MORC1: variants seen among roughly 807,000 people sequenced by gnomAD.
The protein encoded by MORC1 is MORC family CW-type zinc finger protein 1.
In MORC1, 59 loss-of-function variants were observed where a neutral mutation model predicts 134.9. That is an observed-to-expected ratio of 0.44 (90% confidence interval 0.35 to 0.54). The LOEUF (loss-of-function observed/expected upper bound fraction) is 0.54. Among genes scored for constraint, MORC1 ranks in the 20% least tolerant of loss-of-function variants. MORC1 has a pLI of 0.00. For synonymous variants in MORC1, 395 were observed against 391.7 expected, an observed-to-expected ratio of 1.01 and a Z score of -0.10; for missense variants, 947 against 1,134.5, an observed-to-expected ratio of 0.83 and a Z score of 2.37.
At chr3:109,115,396 A>G (rs1451820199) in intron 1 of MORC1, among the ~76,000 whole-genome samples, 1 of 152,052 alleles carries the variant, frequency 6.6e-6, no homozygotes, top group Non-Finnish European at 1.5e-5. Context: ...TGGAGTTTCA[A>G]ACACAGAGGA....
chr3:109,118,104 G>A lies in MORC1; in HGVS notation c.-45C>T, dbSNP rs544832676. On this transcript the variant is annotated 5_prime_UTR_variant, in exon 1 of 28. Coordinates refer to ENST00000232603, the MANE Select transcript of MORC1 (RefSeq NM_014429.4). The stretch of plus-strand genomic sequence containing the variant: ...GCAACTCAAGGGGACAAGGACACCT[G>A]ACCGGCAGCCGTTCGCCTGCGCCCG... 7.6e-6 allele frequency: 12 copies of A among 1,578,082 alleles called. No individual in the cohort carries two copies. Among genetic ancestry groups the A allele is most frequent in the African/African-American group, 1.3e-5 (1 of 74,270 alleles).
chr3:108,994,640 T>C (rs1272563934), intron 21 of MORC1, among the ~76,000 whole-genome samples: 1 of 151,790 alleles, frequency 6.6e-6, no homozygotes, highest in Admixed American at 6.6e-5. Flanking sequence ...GTTTGGAGAG[T>C]GTGTTCCTCC....
At chr3:109,014,605 A>C (rs541874740) in intron 17 of MORC1, among the ~76,000 whole-genome samples, 3 of 152,298 alleles carry the variant, frequency 2.0e-5, no homozygotes, top group Non-Finnish European at 4.4e-5. Flanking sequence ...ACAATGTATG[A>C]TTCTCTTAAA....
Position 109,004,856 on chromosome 3 carries a change from C to A in MORC1, c.2046G>T (p.Trp682Cys). ...RSQIANITTV[W>C]RAQPTEGCLK... Reference sequence around the variant, plus strand: ...GGCACCCTTCAGTTGGTTGAGCTCTCCAGACAGTGGTAATATTAGCAATCT... The same window carrying A: ...GGCACCCTTCAGTTGGTTGAGCTCTACAGACAGTGGTAATATTAGCAATCT... Residue 682 changes from tryptophan to cysteine, a missense_variant, in exon 20 of 28, where the codon TGG (tryptophan) becomes TGT (cysteine). Trp to Cys is a radical substitution (Grantham distance 215). Around this residue, in one of 3 missense-constraint regions of MORC1, gnomAD observed 722 missense variants for 817.0 expected, o/e 0.88. Coordinates refer to ENST00000232603, the MANE Select transcript of MORC1 (RefSeq NM_014429.4). 6.2e-7 allele frequency: 1 copy of A among 1,613,774 alleles called. No homozygotes were observed. The highest frequency in any genetic ancestry group is 2.2e-5 in the East Asian group (1 of 44,858).
At chr3:109,064,315 T>C (rs1950149940) in intron 9 of MORC1, among the ~76,000 whole-genome samples, 1 of 152,152 alleles carries the variant, frequency 6.6e-6, no homozygotes, top group Non-Finnish European at 1.5e-5. Flanking sequence ...TTCTGTATTG[T>C]ATAAATTTTT....
chr3:108,999,572 T>C (rs1416510664), intron 21 of MORC1, among the ~76,000 whole-genome samples: 7 of 152,228 alleles, frequency 4.6e-5, no homozygotes, highest in Admixed American at 1.3e-4. Context: ...ATGTCTCTCA[T>C]TGGCACAAGT....
intron 17 of MORC1, among the ~76,000 whole-genome samples, chr3:109,014,094 A>T (rs1441832545): frequency 1.3e-5 from 2 of 152,206 alleles, no homozygotes; most frequent in Admixed American, 6.5e-5. Flanking sequence ...AGTTTGACTA[A>T]AATTTCAGTT....
chr3:108,996,286 G>GCACGCGCACACACACACACACACACA (rs1553745331), intron 21 of MORC1, among the ~76,000 whole-genome samples: 1 of 146,382 alleles, frequency 6.8e-6, no homozygotes, highest in Non-Finnish European at 1.5e-5. Flanking sequence ...GCGCGCGCGC[G>GCACGCGCACACACACACACACACACA]CACACACACA....
At position 109,005,137 on chromosome 3, in the gene MORC1, A is replaced by C. The variant is rs1168329934; in HGVS notation, c.1946T>G (p.Met649Arg). ...TGGAATTCTCTGCTGTTGAGAGTTCATTTTCTCCTCCATAGACTTTTTCAT... is the reference window on the plus strand; with the variant it reads ...TGGAATTCTCTGCTGTTGAGAGTTCCTTTTCTCCTCCATAGACTTTTTCAT... ...KIMKKSMEEK[M>R]NSQQQRIPVA... The change falls in exon 19 of 28, where the codon ATG becomes AGG. Residue 649 changes from methionine to arginine, a missense_variant. By Grantham distance (91) the Met-to-Arg change is moderately conservative. Transcript: ENST00000232603. 4.3e-6 allele frequency: 7 copies of C among 1,613,696 alleles called. No individual in the cohort carries two copies. In the African/African-American group the frequency reaches 9.3e-5, roughly 22 times the overall value.
At chr3:109,075,615 G>T (rs1168558086) in intron 8 of MORC1, among the ~76,000 whole-genome samples, 1 of 152,148 alleles carries the variant, frequency 6.6e-6, no homozygotes, top group Non-Finnish European at 1.5e-5. Flanking sequence ...TTGTAGATGT[G>T]TGACATTATT....
At chr3:108,986,213 T>C (rs948774457) in intron 22 of MORC1, among the ~76,000 whole-genome samples, 4 of 152,096 alleles carry the variant, frequency 2.6e-5, no homozygotes, top group Non-Finnish European at 5.9e-5. Context: ...AATATCAAAA[T>C]TAAAAGATAA....
intron 24 of MORC1, among the ~76,000 whole-genome samples, chr3:108,978,174 G>A (rs951459293): frequency 1.3e-5 from 2 of 152,170 alleles, no homozygotes; most frequent in Non-Finnish European, 2.9e-5. Context: ...ACTGCGCCCG[G>A]CCAAGGCCTT....
intron 20 of MORC1, among the ~76,000 whole-genome samples, chr3:109,003,284 C>G (rs533847271): frequency 7.1e-6 from 1 of 141,650 alleles, no homozygotes; most frequent in African/African-American, 2.7e-5. Flanking sequence ...TATACACACA[C>G]AGACACATCT....
At chr3:108,996,269 CGTGCGT>C (rs1468175180) in intron 21 of MORC1, among the ~76,000 whole-genome samples, 101 of 125,772 alleles carry the variant, frequency 8.0e-4, no homozygotes, top group Middle Eastern at 3.9e-3. Context: ...CACATGTGCG[CGTGCGT>C]GCGCGCGCGC....
At chr3:108,998,773 T>A (rs939014129) in intron 21 of MORC1, among the ~76,000 whole-genome samples, 1 of 152,222 alleles carries the variant, frequency 6.6e-6, no homozygotes, top group African/African-American at 2.4e-5. Context: ...TTATCCAAGT[T>A]AATTAGACAC....
At chr3:109,108,894 C>T (rs953486725) in intron 3 of MORC1, among the ~76,000 whole-genome samples, 3 of 95,192 alleles carry the variant, frequency 3.2e-5, no homozygotes, top group Admixed American at 1.2e-4. Flanking sequence ...AGCGAGACTC[C>T]GTCTCACAAA....
chr3:109,110,654 T>C lies in MORC1; in HGVS notation c.154+95A>G, dbSNP rs548637227. 3.3e-5 allele frequency: 35 copies of C among 1,055,014 alleles called. No homozygotes were observed. In the Middle Eastern group the frequency reaches 7.2e-4, roughly 22 times the overall value. 65.4% of individuals were successfully genotyped at this position (1,055,014 alleles called of 1,614,324 possible). On this transcript the variant is annotated intron_variant, in intron 3 of 27. Transcript: ENST00000232603. ...GCACTTAGATTACATTAAAATTCTA[T>C]AGAATGTGGTTTTATTTCATGAAAT...
intron 11 of MORC1, among the ~76,000 whole-genome samples, chr3:109,060,772 A>G (rs1448604779): frequency 3.9e-5 from 6 of 152,164 alleles, no homozygotes; most frequent in African/African-American, 1.2e-4. Context: ...GGACTTCCCC[A>G]CCCTGCCTGG....
At chr3:109,049,723 G>T (rs577182940) in intron 14 of MORC1, among the ~76,000 whole-genome samples, 2 of 152,054 alleles carry the variant, frequency 1.3e-5, no homozygotes, top group African/African-American at 4.8e-5. Context: ...TAATGGTAAG[G>T]GGGACACTGA....
Sources: allele counts gnomAD v4.1 joint callset (sites outside exome capture counted in the v4.1 genomes callset), GRCh38; gene constraint gnomAD v4.1.1; regional missense constraint gnomAD v4.1.1; transcripts MANE v1.5; gene names NCBI Gene and HGNC (gene_info 2026-07-23, HGNC 2026-07-21).